Variants in CNOT1 observed in about 807,000 individuals in gnomAD.
CNOT1 encodes CCR4-associated factor 1.
A neutral mutation model predicts 273.8 loss-of-function variants in CNOT1; 15 were observed. That is an observed-to-expected ratio of 0.05 (90% confidence interval 0.04 to 0.08). The LOEUF is 0.08. Ranked by LOEUF, CNOT1 falls within the 10% of genes least tolerant of loss-of-function variation. The pLI, the probability that CNOT1 is intolerant of heterozygous loss-of-function variation, is 1.00. For missense variants in CNOT1, 1,644 were observed against 2,912.2 expected (o/e 0.56, Z 10.02); for synonymous variants, 1,022 against 1,005.5 (o/e 1.02, Z -0.31).
At chr16:58,605,696 T>C (rs2042652025) in intron 1 of CNOT1, among the ~76,000 whole-genome samples, 1 of 152,088 alleles carries the variant, frequency 6.6e-6, no homozygotes, top group African/African-American at 2.4e-5. Flanking sequence ...TGAGACAGGG[T>C]CTCTGTCACC....
chr16:58,531,905 A>G, intron 42 of CNOT1, 53 bp downstream of exon 42: 13 of 1,593,146 alleles, frequency 8.2e-6, no homozygotes, highest in Non-Finnish European at 1.1e-5. Context: ...ATGCTAATAA[A>G]TAAGCCCAGG....
intron 31 of CNOT1, 47 bp downstream of exon 31, chr16:58,543,560 A>G: frequency 6.2e-7 from 1 of 1,613,372 alleles, no homozygotes; most frequent in Non-Finnish European, 8.5e-7. Flanking sequence ...TATTACAGAC[A>G]AGCAGTAATA....
chr16:58,555,657 T>C (rs1195846673), intron 20 of CNOT1, 120 bp from the exon 21 acceptor site: 1 of 1,540,694 alleles, frequency 6.5e-7, no homozygotes, highest in Non-Finnish European at 8.7e-7. Flanking sequence ...TTGAGACAAA[T>C]ATTAAGGTTT....
At chr16:58,558,451 C>T in intron 18 of CNOT1, 22 bp downstream of exon 18, 1 of 1,613,114 alleles carries the variant, frequency 6.2e-7, no homozygotes, top group Non-Finnish European at 8.5e-7. Context: ...ATAATCCATG[C>T]TCTCATTTGC....
rs201161995 is a variant in CNOT1, at chr16:58,578,969, C to G, written c.1344-30G>C. On this transcript the variant is annotated intron_variant, in intron 12 of 48. Coordinates refer to ENST00000317147, the MANE Select transcript of CNOT1 (RefSeq NM_016284.5). Reference sequence around the variant, plus strand: ...CGAGAAAGGAAGAAACATGCTTTATCAATGAAAATCCAAGTATACAGATTA... The same window carrying G: ...CGAGAAAGGAAGAAACATGCTTTATGAATGAAAATCCAAGTATACAGATTA... 172 of 1,606,200 alleles carry G rather than the reference C, an allele frequency of 1.1e-4. 2 individuals are homozygous for G. The Admixed American group carries it at 2.9e-3, about 27-fold the overall frequency.
chr16:58,624,162 G>A (rs2043465528), intron 1 of CNOT1, among the ~76,000 whole-genome samples: 1 of 152,148 alleles, frequency 6.6e-6, no homozygotes. Context: ...ACTGTCTATG[G>A]GACTTGAGCT....
intron 1 of CNOT1, among the ~76,000 whole-genome samples, chr16:58,627,481 C>A (rs2152061595): frequency 6.9e-6 from 1 of 144,960 alleles, no homozygotes; most frequent in South Asian, 2.2e-4. Flanking sequence ...AAGTAACATG[C>A]AAGGTAATTT....
At chr16:58,536,242 A>C (rs1184970386) in intron 39 of CNOT1, among the ~76,000 whole-genome samples, 1 of 152,168 alleles carries the variant, frequency 6.6e-6, no homozygotes, top group African/African-American at 2.4e-5. Flanking sequence ...AGTTCTAATA[A>C]AGGAAATTCC....
At position 58,532,224 on chromosome 16, in the gene CNOT1, A is replaced by G. The variant is rs891902447; in HGVS notation, c.6059+8T>C. On this transcript the variant is annotated splice_region_variant and intron_variant, in intron 41 of 48. Coordinates refer to ENST00000317147, the MANE Select transcript of CNOT1 (RefSeq NM_016284.5). The stretch of plus-strand genomic sequence containing the variant: ...ACCTTAACACAAAATCGCAAACACA[A>G]TACTCACCAGAAAGCTGTAAGTGTC... 8 of 1,613,240 alleles carry G rather than the reference A, an allele frequency of 5.0e-6. No individual in the cohort carries two copies. The highest frequency in any genetic ancestry group is 3.3e-4 in the Middle Eastern group (2 of 6,084).
At chr16:58,583,283 CTAAA>C in intron 8 of CNOT1, 101 bp from the exon 9 acceptor site, 2 of 1,530,292 alleles carry the variant, frequency 1.3e-6, no homozygotes, top group Middle Eastern at 1.7e-4. Flanking sequence ...CTTAGTTTTA[CTAAA>C]TAAAACAGGC....
intron 16 of CNOT1, among the ~76,000 whole-genome samples, chr16:58,569,051 A>C (rs1287343416): frequency 6.6e-6 from 1 of 152,260 alleles, no homozygotes. Context: ...TGTAGAAATG[A>C]TCCTTGAGGA....
intron 16 of CNOT1, 27 bp downstream of exon 16, chr16:58,574,582 A>C: frequency 1.3e-6 from 2 of 1,544,324 alleles, no homozygotes. Context: ...ATTCAAAAAA[A>C]GTCATATTCA....
intron 16 of CNOT1, among the ~76,000 whole-genome samples, chr16:58,569,607 TA>T (rs2041193871): frequency 6.9e-6 from 1 of 144,908 alleles, no homozygotes; most frequent in South Asian, 2.4e-4. Flanking sequence ...GTAACTGTAA[TA>T]AAGTTTCACT....
At chr16:58,614,087 G>C (rs2042995657) in intron 1 of CNOT1, among the ~76,000 whole-genome samples, 1 of 72,822 alleles carries the variant, frequency 1.4e-5, no homozygotes, top group Non-Finnish European at 2.9e-5. Context: ...GCGAGACACT[G>C]TCTCAAAAAA....
rs145023820 is a variant in CNOT1, at chr16:58,618,101, A to G, written c.-175+11627T>C. 3.0e-3 allele frequency among the ~76,000 whole-genome samples: 455 copies of G among 152,318 alleles called. 1 individual carries two copies. The highest frequency in any genetic ancestry group is 0.014 in the Middle Eastern group (4 of 294). On this transcript the variant is annotated intron_variant, in intron 1 of 48. Coordinates refer to ENST00000317147, the MANE Select transcript of CNOT1 (RefSeq NM_016284.5). ...GTAAGAAATGGTATGCAGCTTACAT[A>G]AAGTGGCTAACACAAGTTATTAGAA...
chr16:58,548,584 C>T (rs779182392), intron 25 of CNOT1: 1 of 519,036 alleles, frequency 1.9e-6, no homozygotes, highest in Non-Finnish European at 3.8e-6. Context: ...TGCACTACAG[C>T]GTAACCAAGA....
chr16:58,603,394 C>A (rs955012639), intron 1 of CNOT1, among the ~76,000 whole-genome samples: 5 of 148,764 alleles, frequency 3.4e-5, no homozygotes, highest in African/African-American at 1.2e-4. Flanking sequence ...TAGACCCTAT[C>A]TCTACAATTT....
rs2041908626 is a variant in CNOT1 at position 58,587,331 on chromosome 16, C to T, written c.378+14G>A. Reference sequence around the variant, plus strand: ...TTCTAGTTTTGTCTACATCTCTTTTCATAAATCACTCACCTCTTGTACTTT... The same window carrying T: ...TTCTAGTTTTGTCTACATCTCTTTTTATAAATCACTCACCTCTTGTACTTT... On this transcript the variant is annotated intron_variant, in intron 5 of 48. Coordinates refer to ENST00000317147, the MANE Select transcript of CNOT1 (RefSeq NM_016284.5). 2 of 1,613,814 alleles carry T rather than the reference C, an allele frequency of 1.2e-6. No homozygotes were observed. The highest frequency in any genetic ancestry group is 2.2e-5 in the South Asian group (2 of 91,052).
chr16:58,604,687 C>T (rs1421132323), intron 1 of CNOT1, among the ~76,000 whole-genome samples: 1 of 149,408 alleles, frequency 6.7e-6, no homozygotes, highest in Non-Finnish European at 1.5e-5. Context: ...ATCCCAGCTA[C>T]TTGGGAGGCT....
Sources: allele counts gnomAD v4.1 joint callset (sites outside exome capture counted in the v4.1 genomes callset), GRCh38; gene constraint gnomAD v4.1.1; transcripts MANE v1.5; gene names NCBI Gene and HGNC (gene_info 2026-07-23, HGNC 2026-07-21).